Variants in CNTNAP3B observed in about 807,000 individuals in gnomAD.
CNTNAP3B encodes contactin-associated protein-like 3B.
CNTNAP3B carries 25 observed loss-of-function variants against 108.9 expected under a neutral mutation model. That is an observed-to-expected ratio of 0.23 (90% CI 0.17 to 0.32). The LOEUF is 0.32. CNTNAP3B is among the 10% of genes least tolerant of loss of function. The pLI is 1.00. For synonymous variants in CNTNAP3B, 103 were observed against 473.4 expected, an observed-to-expected ratio of 0.22 and a Z score of 10.16; for missense variants, 252 against 1,210.4, an observed-to-expected ratio of 0.21 and a Z score of 11.75.
intron 13 of CNTNAP3B, 109 bp from the exon 14 acceptor site, chr9:41,938,509 A>T: frequency 1.3e-6 from 2 of 1,532,380 alleles, no homozygotes; most frequent in Non-Finnish European, 1.8e-6. Flanking sequence ...AGAGGCAGAG[A>T]GAGAGAAAAT....
intron 3 of CNTNAP3B, among the ~76,000 whole-genome samples, chr9:42,035,482 A>T (rs1338586847): frequency 6.8e-6 from 1 of 146,164 alleles, no homozygotes; most frequent in Non-Finnish European, 1.5e-5. Context: ...GTTAATAATA[A>T]AGACTCTGGA....
At chr9:41,961,117 T>C (rs1825076712) in intron 11 of CNTNAP3B, among the ~76,000 whole-genome samples, 1 of 152,306 alleles carries the variant, frequency 6.6e-6, no homozygotes, top group South Asian at 2.1e-4. Flanking sequence ...TCAAAATACA[T>C]TCAAATGTTG....
intron 1 of CNTNAP3B, among the ~76,000 whole-genome samples, chr9:42,126,861 T>G (rs1446153764): frequency 1.4e-5 from 2 of 139,334 alleles, no homozygotes; most frequent in Non-Finnish European, 3.1e-5. Context: ...CGAGCCACTG[T>G]GCCCGGCCTA....
In CNTNAP3B at chr9:42,035,497, C is replaced by T. The variant is rs145471536; in HGVS notation, c.391-21972G>A. 8.5e-3 allele frequency among the ~76,000 whole-genome samples: 1,237 copies of T among 146,312 alleles called. 42 individuals carry two copies. Among genetic ancestry groups the T allele is most frequent in the African/African-American group, 0.029 (1,135 of 38,666 alleles). On this transcript the variant is annotated intron_variant, in intron 3 of 23. Transcript: ENST00000377561. ...GTTAATAATAAAGACTCTGGAACCA[C>T]TCACTAAAGGTGGGACTTTGGACAA...
At chr9:42,122,113 C>G (rs1159008682) in intron 1 of CNTNAP3B, among the ~76,000 whole-genome samples, 2 of 139,014 alleles carry the variant, frequency 1.4e-5, no homozygotes, top group African/African-American at 5.7e-5. Flanking sequence ...CTTTGCTTGC[C>G]CTTTGGCAAC....
At chr9:42,076,362 G>A (rs531157601) in intron 3 of CNTNAP3B, among the ~76,000 whole-genome samples, 1 of 132,816 alleles carries the variant, frequency 7.5e-6, no homozygotes, top group South Asian at 2.5e-4. Context: ...GGAGGCAGAG[G>A]CTGCAGTGAG....
intron 12 of CNTNAP3B, among the ~76,000 whole-genome samples, chr9:41,955,764 C>T (rs1404946185): frequency 1.3e-5 from 2 of 152,304 alleles, no homozygotes; most frequent in Non-Finnish European, 2.9e-5. Flanking sequence ...CACGTTGATC[C>T]CTGTTCCACT....
At chr9:41,963,418 C>G (rs1257207520) in intron 11 of CNTNAP3B, among the ~76,000 whole-genome samples, 8 of 150,864 alleles carry the variant, frequency 5.3e-5, no homozygotes, top group African/African-American at 2.0e-4. Context: ...CTGTGATGTT[C>G]TAATTATAAC....
chr9:41,943,296 G>A (rs1475493444), intron 13 of CNTNAP3B, among the ~76,000 whole-genome samples: 3 of 151,606 alleles, frequency 2.0e-5, no homozygotes, highest in Non-Finnish European at 1.5e-5. Flanking sequence ...TAAACACAAA[G>A]AGAAAAAGAA....
intron 15 of CNTNAP3B, among the ~76,000 whole-genome samples, chr9:41,924,654 C>CAT (rs986191195): frequency 4.0e-4 from 9 of 22,774 alleles, no homozygotes; most frequent in African/African-American, 8.0e-4. Context: ...TGCACACACA[C>CAT]ACACACACAC....
In CNTNAP3B at chr9:42,124,241, A is replaced by AT. The variant is rs1008698526; in HGVS notation, c.85+4768dup. On this transcript the variant is annotated intron_variant, in intron 1 of 23. Transcript: ENST00000377561. Reference sequence around the variant, plus strand: ...CATTAACTGGAACACATGCAGTATCATTTTTTAGCCCCCACTTTATGATAT... The same window carrying AT: ...CATTAACTGGAACACATGCAGTATCATTTTTTTAGCCCCCACTTTATGATAT... 2.4e-4 allele frequency among the ~76,000 whole-genome samples: 31 copies of AT among 131,688 alleles called. 5 individuals carry two copies. The allele number at this position is 131,688 out of a possible 152,430, so 86.4% of individuals were successfully genotyped here. A position where few individuals can be genotyped will look rare whatever the true frequency, so the allele number is the denominator to read the frequency against.
rs1383990024 is a variant in CNTNAP3B, at chr9:42,052,080, T to TA, written c.390+24788dup. Reference sequence around the variant, plus strand: ...ATACAAAATAAGAGGAGTTTAAATATAAAAAAATTCTCATTTTCAGAATGC... The same window carrying TA: ...ATACAAAATAAGAGGAGTTTAAATATAAAAAAAATTCTCATTTTCAGAATGC... On this transcript the variant is annotated intron_variant, in intron 3 of 23. Transcript: ENST00000377561. Among the ~76,000 whole-genome samples, 7 of 146,366 alleles carry TA rather than the reference T, an allele frequency of 4.8e-5. No homozygotes were observed. The East Asian group carries it at 1.0e-3, about 22-fold the overall frequency.
At chr9:41,967,424 G>A (rs1825314372) in intron 10 of CNTNAP3B, among the ~76,000 whole-genome samples, 1 of 150,624 alleles carries the variant, frequency 6.6e-6, no homozygotes, top group South Asian at 2.1e-4. Context: ...TCATTGTGAG[G>A]TCTCCCCAGC....
At chr9:42,047,474 A>G (rs1826894681) in intron 3 of CNTNAP3B, among the ~76,000 whole-genome samples, 2 of 115,534 alleles carry the variant, frequency 1.7e-5, no homozygotes, top group African/African-American at 7.2e-5. Context: ...AAATTTTAAA[A>G]TGACATAGCA....
chr9:42,058,124 C>A (rs972509916), intron 3 of CNTNAP3B, among the ~76,000 whole-genome samples: 1 of 141,162 alleles, frequency 7.1e-6, no homozygotes. Flanking sequence ...CAGATGGACA[C>A]TTCAGTTGAT....
At chr9:42,029,864 C>T (rs1587211799) in intron 3 of CNTNAP3B, among the ~76,000 whole-genome samples, 1 of 35,536 alleles carries the variant, frequency 2.8e-5, no homozygotes, top group Admixed American at 3.3e-4. Flanking sequence ...GAAATAAGGC[C>T]GGGTGCAGTG....
At chr9:41,951,987 G>T (rs7868905) in intron 13 of CNTNAP3B, among the ~76,000 whole-genome samples, 1 of 152,246 alleles carries the variant, frequency 6.6e-6, no homozygotes, top group African/African-American at 2.4e-5. Flanking sequence ...TGAGGCAGGA[G>T]AATCGCTTGA....
intron 15 of CNTNAP3B, among the ~76,000 whole-genome samples, chr9:41,927,319 AGT>A (rs1465840988): frequency 6.8e-6 from 1 of 146,590 alleles, no homozygotes; most frequent in Non-Finnish European, 1.5e-5. Context: ...ACAGACCTGT[AGT>A]GTAGACTTAC....
intron 18 of CNTNAP3B, among the ~76,000 whole-genome samples, chr9:41,919,521 G>A (rs1823611877): frequency 6.6e-6 from 1 of 152,430 alleles, no homozygotes; most frequent in South Asian, 2.1e-4. Context: ...GAGTGATCCT[G>A]TTAATGACTG....
Sources: allele counts gnomAD v4.1 joint callset (sites outside exome capture counted in the v4.1 genomes callset), GRCh38; gene constraint gnomAD v4.1.1; transcripts MANE v1.5; gene names NCBI Gene and HGNC (gene_info 2026-07-23, HGNC 2026-07-21).